WLS: variants seen among roughly 807,000 people sequenced by gnomAD.
WLS encodes the protein Wnt ligand secretion mediator.
A neutral mutation model predicts 62.8 loss-of-function variants in WLS; 23 were observed. The observed-to-expected ratio is 0.37, with a 90% CI of 0.26 to 0.52. The LOEUF (loss-of-function observed/expected upper bound fraction) is 0.52, where lower values mean the gene tolerates loss of function less well. Among genes scored for constraint, WLS ranks in the 20% least tolerant of loss-of-function variants. The pLI, the probability that WLS is intolerant of heterozygous loss-of-function variation, is 0.92. For missense variants in WLS, 615 were observed against 697.3 expected, an observed-to-expected ratio of 0.88 and a Z score of 1.33; for synonymous variants, 246 against 244.1, an observed-to-expected ratio of 1.01 and a Z score of -0.07.
chr1:68,161,191 A>C (rs1435969152), intron 2 of WLS, among the ~76,000 whole-genome samples: 4 of 152,178 alleles, frequency 2.6e-5, no homozygotes, highest in African/African-American at 9.7e-5. Flanking sequence ...CTCAGTATGC[A>C]GTTCAGATGT....
chr1:68,169,266 C>G (rs902874231), intron 2 of WLS, among the ~76,000 whole-genome samples: 3 of 152,194 alleles, frequency 2.0e-5, no homozygotes, highest in Non-Finnish European at 2.9e-5. Context: ...AAGTGACATG[C>G]AGTTAGAAAA....
intron 2 of WLS, among the ~76,000 whole-genome samples, chr1:68,192,788 C>A (rs112749580): frequency 4.2e-4 from 49 of 117,688 alleles, no homozygotes; most frequent in African/African-American, 1.6e-3. Flanking sequence ...AAAAAAAAAA[C>A]AGAAGAAGAA....
chr1:68,114,639 G>A (rs1051608669), intron 11 of WLS, among the ~76,000 whole-genome samples: 4 of 152,186 alleles, frequency 2.6e-5, no homozygotes, highest in African/African-American at 9.7e-5. Flanking sequence ...GCATCTGACT[G>A]GTGCAGACTA....
At chr1:68,149,248 G>C (rs1353322944) in intron 6 of WLS, among the ~76,000 whole-genome samples, 1 of 152,156 alleles carries the variant, frequency 6.6e-6, no homozygotes, top group Non-Finnish European at 1.5e-5. Flanking sequence ...GGGGCCCCAG[G>C]TGGGTCAGTC....
intron 1 of WLS, chr1:68,231,814 T>G: frequency 2.2e-6 from 1 of 464,766 alleles, no homozygotes; most frequent in Non-Finnish European, 4.0e-6. Flanking sequence ...CGGAGCTGAT[T>G]GGAAGGGAAC....
At chr1:68,147,137 CCTT>C (rs1161800277) in intron 8 of WLS, among the ~76,000 whole-genome samples, 1 of 152,128 alleles carries the variant, frequency 6.6e-6, no homozygotes, top group Non-Finnish European at 1.5e-5. Flanking sequence ...TGCAGTTTCT[CCTT>C]CTTTCCTATA....
At chr1:68,224,943 C>G (rs1650082855) in intron 1 of WLS, among the ~76,000 whole-genome samples, 1 of 152,140 alleles carries the variant, frequency 6.6e-6, no homozygotes, top group Admixed American at 6.5e-5. Flanking sequence ...TGAGTCTTAG[C>G]CCTCTCATTT....
rs142863298 is a variant in WLS, at chr1:68,126,333, C to T, written c.1519G>A (p.Asp507Asn). The part of the protein sequence containing the change: ...KNYGEDQSNG[D>N]LGVHSGEELQ... The stretch of plus-strand genomic sequence containing the variant: ...TCTTCCCCACTATGGACACCCAGAT[C>T]GCCTGAAACAGGGTTTTCGGTGTTA... The change falls in exon 12 of 12, where the codon GAT (aspartate) becomes AAT (asparagine). Residue 507 changes from aspartate to asparagine, a missense_variant and splice_region_variant. Physicochemically the swap from Asp to Asn is conservative, Grantham distance 23 (BLOSUM62 1). Transcript: ENST00000262348. 8.4e-5 allele frequency: 135 copies of T among 1,614,002 alleles called. 1 individual carries two copies. The highest frequency in any genetic ancestry group is 5.0e-4 in the Middle Eastern group (3 of 6,060).
At chr1:68,150,656 CA>C (rs1180293430) in intron 5 of WLS, among the ~76,000 whole-genome samples, 1 of 152,214 alleles carries the variant, frequency 6.6e-6, no homozygotes, top group Non-Finnish European at 1.5e-5. Flanking sequence ...CTTGCCTTCT[CA>C]CCCAGGCCTC....
chr1:68,126,109 C>T lies in WLS; in HGVS notation c.*117G>A. The T allele has an allele frequency of 6.8e-7, 1 of 1,467,854 alleles. No individual in the cohort carries two copies. Among genetic ancestry groups the T allele is most frequent in the Non-Finnish European group, 9.0e-7 (1 of 1,106,678 alleles). The allele number at this position is 1,467,854 out of a possible 1,614,324, so 90.9% of individuals were successfully genotyped here. On this transcript the variant is annotated 3_prime_UTR_variant, in exon 12 of 12. Transcript: ENST00000262348. ...TGTCCATGCCGCTGGTCCAAGAAACCACAGCTAAGAGCCATGAGGCATTCA... is the reference window on the plus strand; with the variant it reads ...TGTCCATGCCGCTGGTCCAAGAAACTACAGCTAAGAGCCATGAGGCATTCA...
intron 1 of WLS, among the ~76,000 whole-genome samples, chr1:68,229,296 C>T (rs1650307882): frequency 6.6e-6 from 1 of 152,076 alleles, no homozygotes; most frequent in African/African-American, 2.4e-5. Context: ...TATATTCTCC[C>T]CTTCCTAAGT....
In WLS at chr1:68,145,979, A is replaced by C. The variant is rs1646747946; in HGVS notation, c.1168T>G (p.Cys390Gly). 1.2e-6 allele frequency: 2 copies of C among 1,614,100 alleles called. No homozygotes were observed. Among genetic ancestry groups the C allele is most frequent in the Middle Eastern group, 3.3e-4 (2 of 6,084 alleles). ...AFIIVAGICL[C>G]LYFLFLCFMV... Reference sequence around the variant, plus strand: ...AAGCATAGAAACAGGAAGTAGAGGCAGAGGCAGATTCCAGCCACGATGATG... The same window carrying C: ...AAGCATAGAAACAGGAAGTAGAGGCCGAGGCAGATTCCAGCCACGATGATG... The change falls in exon 9 of 12, where the codon TGC (cysteine) becomes GGC (glycine). Residue 390 changes from cysteine (C) to glycine (G), a missense_variant. Cys to Gly is a radical substitution (Grantham distance 159, BLOSUM62 -3). Coordinates refer to ENST00000262348, the MANE Select transcript of WLS (RefSeq NM_024911.7).
At chr1:68,201,530 T>C (rs1649015731) in intron 1 of WLS, among the ~76,000 whole-genome samples, 1 of 152,220 alleles carries the variant, frequency 6.6e-6, no homozygotes, top group Non-Finnish European at 1.5e-5. Context: ...CACAATTCAA[T>C]CTCAATTACT....
At chr1:68,189,850 A>T (rs892988655) in intron 2 of WLS, among the ~76,000 whole-genome samples, 3 of 152,166 alleles carry the variant, frequency 2.0e-5, no homozygotes, top group Non-Finnish European at 4.4e-5. Flanking sequence ...TCTGGCCAAC[A>T]TGGCGAAACC....
At chr1:68,113,728 C>G (rs533132134) in intron 11 of WLS, among the ~76,000 whole-genome samples, 57 of 152,280 alleles carry the variant, frequency 3.7e-4, no homozygotes, top group African/African-American at 1.3e-3. Flanking sequence ...CAGGCCCTTC[C>G]CAAGCCCTTC....
intron 1 of WLS, among the ~76,000 whole-genome samples, chr1:68,200,712 T>C (rs1392846957): frequency 6.6e-6 from 1 of 152,170 alleles, no homozygotes; most frequent in South Asian, 2.1e-4. Flanking sequence ...TCAATATCCA[T>C]TTTACTTTGA....
chr1:68,227,065 A>T (rs1436050776), intron 1 of WLS, among the ~76,000 whole-genome samples: 1 of 152,214 alleles, frequency 6.6e-6, no homozygotes, highest in African/African-American at 2.4e-5. Context: ...AAGTTCGAAT[A>T]GAAGTCTAGA....
intron 6 of WLS, among the ~76,000 whole-genome samples, chr1:68,148,904 A>G (rs1242885995): frequency 6.6e-6 from 1 of 152,152 alleles, no homozygotes; most frequent in East Asian, 1.9e-4. Flanking sequence ...GAGTAATAAG[A>G]ACAGGATGCC....
chr1:68,153,573 C>T lies in WLS; in HGVS notation c.747G>A (p.Met249Ile), dbSNP rs755322764. The change falls in exon 5 of 12, where the codon ATG becomes ATA. Residue 249 changes from methionine (M) to isoleucine (I), a missense_variant. By Grantham distance (10) the Met-to-Ile change is conservative. Coordinates refer to ENST00000262348, the MANE Select transcript of WLS (RefSeq NM_024911.7). ...TGGTGATCCTCCTCCAATACCACACCATAATGATGAAGATGCTGGGCGTAA... is the reference window on the plus strand; with the variant it reads ...TGGTGATCCTCCTCCAATACCACACTATAATGATGAAGATGCTGGGCGTAA... ...TFLTPSIFII[M>I]VWYWRRITMM... 6.8e-6 allele frequency: 11 copies of T among 1,614,052 alleles called. No homozygotes were observed. The East Asian group carries it at 2.0e-4, about 29-fold the overall frequency.
Sources: gnomAD v4.1 joint callset for allele counts (sites outside exome capture counted in the v4.1 genomes callset) on GRCh38, gnomAD v4.1.1 for gene constraint, MANE v1.5 for transcripts, NCBI Gene and HGNC (gene_info 2026-07-23, HGNC 2026-07-21) for gene names.